The following DNAJC6 variants were observed in gnomAD, a reference collection of about 807,000 sequenced individuals.
DNAJC6 encodes the protein auxilin.
DNAJC6 carries 34 observed loss-of-function variants against 110.0 expected under a neutral mutation model. That is an observed-to-expected ratio of 0.31 (90% CI 0.24 to 0.41). DNAJC6 has a LOEUF of 0.41. Ranked by LOEUF, DNAJC6 falls within the 10% of genes least tolerant of loss-of-function variation. DNAJC6 has a pLI of 1.00. For missense variants in DNAJC6, 1,031 were observed against 1,207.8 expected, an observed-to-expected ratio of 0.85 and a Z score of 2.17; for synonymous variants, 406 against 437.2, an observed-to-expected ratio of 0.93 and a Z score of 0.89.
At chr1:65,282,709 C>G (rs1031967345) in intron 1 of DNAJC6, among the ~76,000 whole-genome samples, 2 of 152,090 alleles carry the variant, frequency 1.3e-5, no homozygotes, top group Non-Finnish European at 2.9e-5. Context: ...TCCTGGTGTT[C>G]CTAAGGAAAG....
At position 65,309,874 on chromosome 1, in the gene DNAJC6, C is replaced by T. The variant is rs1645081141; in HGVS notation, c.129C>T (p.Ala43=). 2 of 1,546,806 alleles carry T rather than the reference C, an allele frequency of 1.3e-6. No individual in the cohort carries two copies. The highest frequency in any genetic ancestry group is 1.7e-6 in the Non-Finnish European group (2 of 1,145,194). The change falls in exon 1 of 19, where the codon GCC becomes GCT. Residue 43 remains alanine, a synonymous_variant. Coordinates refer to ENST00000371069, the MANE Select transcript of DNAJC6 (RefSeq NM_001256864.2). ...GGVGGKQRVN[A]GAAARSPARQ... Reference sequence around the variant, plus strand: ...TTGGCGGCAAGCAGAGAGTGAACGCCGGGGCAGCGGCGCGGAGTCCCGCCC... The same window carrying T: ...TTGGCGGCAAGCAGAGAGTGAACGCTGGGGCAGCGGCGCGGAGTCCCGCCC...
At position 65,411,428 on chromosome 1, in the gene DNAJC6, T is replaced by G; in HGVS notation, c.2811+2T>G. The G allele has an allele frequency of 6.2e-7, 1 of 1,613,456 alleles. No individual in the cohort carries two copies. The highest frequency in any genetic ancestry group is 8.5e-7 in the Non-Finnish European group (1 of 1,179,584). ...GTCCTGGTGGTGCACCCAGATAAAG[T>G]GGGTATAACCTGCCCTGTTGTGTAA... On this transcript the variant is annotated splice_donor_variant, in intron 18 of 18. Transcript: ENST00000371069. LOFTEE classifies it high-confidence loss of function.
chr1:65,389,692 T>C, intron 11 of DNAJC6, 65 bp downstream of exon 11: 1 of 1,564,792 alleles, frequency 6.4e-7, no homozygotes, highest in Non-Finnish European at 8.8e-7. Flanking sequence ...GTAAAGATGT[T>C]GGCCCTAGAA....
intron 1 of DNAJC6, among the ~76,000 whole-genome samples, chr1:65,363,608 A>G (rs986336308): frequency 4.6e-5 from 7 of 152,248 alleles, no homozygotes; most frequent in South Asian, 4.1e-4. Flanking sequence ...ATATTTGCCA[A>G]TCTCTGGAGA....
chr1:65,390,104 A>AGATGC (rs1339603268), intron 11 of DNAJC6, among the ~76,000 whole-genome samples: 4 of 152,190 alleles, frequency 2.6e-5, no homozygotes, highest in Admixed American at 6.5e-5. Flanking sequence ...TCAACTCAGT[A>AGATGC]GATGCTCTTA....
chr1:65,299,219 A>C (rs1168142850), intron 1 of DNAJC6, among the ~76,000 whole-genome samples: 2 of 152,268 alleles, frequency 1.3e-5, no homozygotes, highest in Non-Finnish European at 2.9e-5. Context: ...ATGGAAAATA[A>C]GTCAGACTCT....
upstream of DNAJC6, among the ~76,000 whole-genome samples, chr1:65,307,588 A>G (rs1054748323): frequency 1.2e-4 from 18 of 152,174 alleles, 1 homozygote; most frequent in Admixed American, 3.3e-4. Context: ...TCTAAATTCT[A>G]TTAATCCAAT....
chr1:65,377,400 TATGTGG>T (rs1433042589), intron 4 of DNAJC6, among the ~76,000 whole-genome samples: 6 of 152,170 alleles, frequency 3.9e-5, no homozygotes, highest in African/African-American at 1.4e-4. Flanking sequence ...GGGGAATATA[TATGTGG>T]GTAAAGACTA....
chr1:65,362,471 C>G (rs901340391), intron 1 of DNAJC6, among the ~76,000 whole-genome samples: 2 of 152,056 alleles, frequency 1.3e-5, no homozygotes, highest in African/African-American at 2.4e-5. Flanking sequence ...GGAAAGTGAA[C>G]AAAGATTAAA....
chr1:65,383,947 A>G (rs562134441), intron 5 of DNAJC6: 1 of 353,868 alleles, frequency 2.8e-6, no homozygotes, highest in African/African-American at 2.1e-5. Flanking sequence ...CCAAATATAT[A>G]CAAATCAAAT....
At chr1:65,364,823 A>C in intron 2 of DNAJC6, 38 bp downstream of exon 2, 2 of 1,607,994 alleles carry the variant, frequency 1.2e-6, no homozygotes, top group Non-Finnish European at 1.7e-6. Context: ...GTGGATCCCC[A>C]TGCTCTCAAA....
chr1:65,389,118 A>C (rs929321230), intron 9 of DNAJC6, 138 bp from the exon 10 acceptor site: 1 of 750,306 alleles, frequency 1.3e-6, no homozygotes, highest in African/African-American at 1.8e-5. Context: ...AAAGTAACTT[A>C]TCTGGTTATG....
At chr1:65,292,516 G>A (rs1570229337) in intron 1 of DNAJC6, among the ~76,000 whole-genome samples, 1 of 151,606 alleles carries the variant, frequency 6.6e-6, no homozygotes, top group Non-Finnish European at 1.5e-5. Context: ...TTACAGCTTC[G>A]ACTTCCTGGG....
At chr1:65,379,343 C>T in intron 4 of DNAJC6, 59 bp from the exon 5 acceptor site, 4 of 1,602,674 alleles carry the variant, frequency 2.5e-6, no homozygotes, top group East Asian at 2.2e-5. Context: ...GGTGTGATAA[C>T]CTGCTTATGA....
intron 1 of DNAJC6, among the ~76,000 whole-genome samples, chr1:65,270,989 A>T (rs1764313): frequency 0.75 from 114,091 of 152,120 alleles, 43,470 homozygotes; most frequent in East Asian, 0.98. Context: ...AAATTTTTTT[A>T]AAACATTTTA....
chr1:65,264,807 ACTTCGCCC>A (rs1653260454), exon 1 of DNAJC6: 1 of 1,553,582 alleles, frequency 6.4e-7, no homozygotes, highest in African/African-American at 1.4e-5. Flanking sequence ...CCGTTGAGAG[ACTTCGCCC>A]CCGAGACCGC....
At chr1:65,395,298 T>A (rs1255062178) in intron 13 of DNAJC6, among the ~76,000 whole-genome samples, 1 of 152,170 alleles carries the variant, frequency 6.6e-6, no homozygotes, top group Non-Finnish European at 1.5e-5. Flanking sequence ...GACAGAATCA[T>A]AAATGACCCT....
At chr1:65,273,384 G>A (rs575280050) in intron 1 of DNAJC6, among the ~76,000 whole-genome samples, 96 of 152,240 alleles carry the variant, frequency 6.3e-4, no homozygotes, top group African/African-American at 2.3e-3. Context: ...GGATCACAAG[G>A]TCAGGAGTTT....
rs1645849569 is a variant in DNAJC6 at position 65,384,257 on chromosome 1, C to T, written c.731C>T (p.Thr244Ile). Reference protein sequence around the residue: ...AMFIFCNLYSTPGPAIRLLYA... With the variant: ...AMFIFCNLYSIPGPAIRLLYA... ...TTCATTTTCTGTAATCTCTACTCTA[C>T]TCCTGGCCCAGCCATTCGATTGCTA... is the stretch of plus-strand genomic sequence containing the variant. The change falls in exon 6 of 19, where the codon ACT becomes ATT. Residue 244 changes from threonine (T) to isoleucine (I), a missense_variant. By Grantham distance (89) the Thr-to-Ile change is moderately conservative. Coordinates refer to ENST00000371069, the MANE Select transcript of DNAJC6 (RefSeq NM_001256864.2). 3.1e-6 allele frequency: 5 copies of T among 1,589,918 alleles called. No homozygotes were observed. The highest frequency in any genetic ancestry group is 1.8e-5 in the Admixed American group (1 of 55,378).
Sources: allele counts gnomAD v4.1 joint callset (sites outside exome capture counted in the v4.1 genomes callset), GRCh38; gene constraint gnomAD v4.1.1; transcripts MANE v1.5; gene names NCBI Gene and HGNC (gene_info 2026-07-23, HGNC 2026-07-21).